Variants in TBC1D8B observed in about 807,000 individuals in gnomAD.
The protein encoded by TBC1D8B is RP11-321G1.1.
A neutral mutation model predicts 82.9 loss-of-function variants in TBC1D8B; 75 were observed. The ratio of observed to expected loss-of-function variants is 0.90; its 90% CI spans 0.75 to 1.10. TBC1D8B has a LOEUF of 1.10. TBC1D8B is among the 50% of genes least tolerant of loss of function. The probability of loss-of-function intolerance (pLI) is 0.00; values close to 1 mark genes in which losing one functional copy is unlikely to be tolerated. For synonymous variants in TBC1D8B, 276 were observed against 276.8 expected, an observed-to-expected ratio of 1.00 and a Z score of 0.03; for missense variants, 794 against 796.9, an observed-to-expected ratio of 1.00 and a Z score of 0.04.
At chrX:106,812,543 A>T (rs1931410152) in intron 1 of TBC1D8B, among the ~76,000 whole-genome samples, 1 of 111,499 alleles carries the variant, frequency 9.0e-6, no homozygotes, top group Non-Finnish European at 1.9e-5. Context: ...AGTGCCCTCA[A>T]TCCAGTTTAC....
chrX:106,813,097 A>G lies in TBC1D8B; in HGVS notation c.131-5566A>G, dbSNP rs542971791. On this transcript the variant is annotated intron_variant, in intron 1 of 20. Transcript: ENST00000357242. ...GGTCTGAAACTCCTGACCTCAGGTG[A>G]TTCACCCGCCTCGGCCTCCCAAAGT... Among the ~76,000 whole-genome samples, 7 of 111,818 alleles carry G rather than the reference A, an allele frequency of 6.3e-5. No homozygotes were observed. In the South Asian group the frequency reaches 1.1e-3, roughly 18 times the overall value.
Position 106,865,904 on chromosome X carries a change from G to A in TBC1D8B, c.2533G>A (p.Ala845Thr), listed in dbSNP as rs1050816965. Residue 845 changes from alanine (A) to threonine (T), a missense_variant, in exon 16 of 21, where the codon GCG becomes ACG. Transcript: ENST00000357242. ...QYQIDCQQFR[A>T]LYHLLSPWAH... ...TCAGATTGACTGCCAGCAGTTCAGAGCGTTGTATCACTTGTTGAGTCCCTG... is the reference window on the plus strand; with the variant it reads ...TCAGATTGACTGCCAGCAGTTCAGAACGTTGTATCACTTGTTGAGTCCCTG... 3 of 1,209,422 alleles carry A rather than the reference G, an allele frequency of 2.5e-6. No individual in the cohort carries two copies. In the African/African-American group the frequency reaches 5.3e-5, roughly 21 times the overall value.
chrX:106,809,973 C>A (rs1278042399), intron 1 of TBC1D8B, among the ~76,000 whole-genome samples: 1 of 110,287 alleles, frequency 9.1e-6, no homozygotes, highest in Admixed American at 9.6e-5. Context: ...AATAAGTAAG[C>A]AAACCAATAC....
At chrX:106,817,033 T>C (rs916161433) in intron 1 of TBC1D8B, among the ~76,000 whole-genome samples, 1 of 111,691 alleles carries the variant, frequency 9.0e-6, no homozygotes, top group African/African-American at 3.2e-5. Context: ...GCCTGGTTTA[T>C]AATTGAATTA....
intron 10 of TBC1D8B, among the ~76,000 whole-genome samples, chrX:106,844,655 G>A (rs997706946): frequency 3.7e-5 from 4 of 109,095 alleles, no homozygotes; most frequent in Non-Finnish European, 7.6e-5. Flanking sequence ...CTAGCATGTT[G>A]TTGAGGATTT....
At chrX:106,850,413 TGTCCGA>T (rs774002433) in intron 12 of TBC1D8B, 103 bp downstream of exon 12, 7 of 873,379 alleles carry the variant, frequency 8.0e-6, no homozygotes, top group Non-Finnish European at 1.1e-5. Context: ...AATTTCAGTT[TGTCCGA>T]GATTACAAAA....
intron 14 of TBC1D8B, among the ~76,000 whole-genome samples, chrX:106,856,288 TA>T (rs1932695772): frequency 9.0e-6 from 1 of 111,220 alleles, no homozygotes; most frequent in Non-Finnish European, 1.9e-5. Flanking sequence ...CCCCTAGTCT[TA>T]TTATTTCTTT....
chrX:106,850,813 G>A (rs1245423769), intron 12 of TBC1D8B, among the ~76,000 whole-genome samples: 1 of 111,585 alleles, frequency 9.0e-6, no homozygotes, highest in Non-Finnish European at 1.9e-5. Flanking sequence ...GAATAAATTT[G>A]AGTGGGCAAC....
rs1246752289 is a variant in TBC1D8B at position 106,854,243 on chromosome X, C to T, written c.2299C>T (p.Arg767Ter). 7 of 1,193,648 alleles carry T rather than the reference C, an allele frequency of 5.9e-6. No homozygotes were observed. Among genetic ancestry groups the T allele is most frequent in the East Asian group, 3.0e-5 (1 of 32,850 alleles). Residue 767 changes from arginine (R) to a stop codon, truncating the protein, a stop_gained, in exon 14 of 21, where the codon CGA becomes TGA. Transcript: ENST00000357242. LOFTEE classifies it high-confidence loss of function. ...TGAAGATATACATAGTATGCGCTGT[C>T]GAAATAGGTTGTATGTGATACAGAC... is the stretch of plus-strand genomic sequence containing the variant. Reference protein sequence around the residue: ...RYEDIHSMRCRNRLYVIQTLE... With the variant: ...RYEDIHSMRC
Position 106,874,054 on chromosome X carries a change from C to G in TBC1D8B, c.*89C>G. The G allele has an allele frequency of 9.9e-7, 1 of 1,012,646 alleles. No homozygotes were observed. The highest frequency in any genetic ancestry group is 2.7e-4 in the Middle Eastern group (1 of 3,737). 83.5% of individuals were successfully genotyped at this position (1,012,646 alleles called of 1,213,427 possible). A position where few individuals can be genotyped will look rare whatever the true frequency, so the allele number is the denominator to read the frequency against. ...CTGTGAGTAGGGCTCAGGGATTTAT[C>G]TTGTTACCAATGTGTCTGAAGGCCA... On this transcript the variant is annotated 3_prime_UTR_variant, in exon 21 of 21. Coordinates refer to ENST00000357242, the MANE Select transcript of TBC1D8B (RefSeq NM_017752.3).
intron 10 of TBC1D8B, 61 bp downstream of exon 10, chrX:106,840,945 A>G (rs1201756534): frequency 7.8e-6 from 8 of 1,029,617 alleles, no homozygotes; most frequent in South Asian, 6.3e-5. Context: ...ATCAAATCCA[A>G]TTCCACTAAT....
intron 7 of TBC1D8B, among the ~76,000 whole-genome samples, chrX:106,832,797 A>G (rs1401771581): frequency 9.0e-6 from 1 of 111,525 alleles, no homozygotes; most frequent in Non-Finnish European, 1.9e-5. Context: ...TTTTAAATAG[A>G]AGTAATGGGT....
chrX:106,805,978 T>G, intron 1 of TBC1D8B, among the ~76,000 whole-genome samples: 1 of 112,678 alleles, frequency 8.9e-6, no homozygotes, highest in Middle Eastern at 4.6e-3. Context: ...TCTAGAAACC[T>G]TAGTGGTTAT....
At chrX:106,837,502 C>A (rs765301536) in intron 7 of TBC1D8B, among the ~76,000 whole-genome samples, 3 of 111,777 alleles carry the variant, frequency 2.7e-5, no homozygotes, top group Non-Finnish European at 5.7e-5. Flanking sequence ...GATACCATTT[C>A]ATACCCACTA....
At chrX:106,834,152 G>A (rs1398401275) in intron 7 of TBC1D8B, among the ~76,000 whole-genome samples, 1 of 110,974 alleles carries the variant, frequency 9.0e-6, no homozygotes, top group Non-Finnish European at 1.9e-5. Context: ...CCCAAGACTG[G>A]GTAATTTATA....
At position 106,869,546 on chromosome X, in the gene TBC1D8B, T is replaced by C. The variant is rs1021749810; in HGVS notation, c.2869+5T>C. 3 of 1,191,854 alleles carry C rather than the reference T, an allele frequency of 2.5e-6. No individual in the cohort carries two copies. The highest frequency in any genetic ancestry group is 3.4e-6 in the Non-Finnish European group (3 of 879,987). On this transcript the variant is annotated splice_donor_5th_base_variant and intron_variant, in intron 19 of 20. Transcript: ENST00000357242. ...CAAAACACAGCCCTGAAAAAGGTAC[T>C]ATGATCTAGGAGTTATCATTTAATT...
In TBC1D8B at chrX:106,853,031, T is replaced by C. The variant is rs755575798; in HGVS notation, c.2124-490T>C. On this transcript the variant is annotated intron_variant, in intron 12 of 20. Transcript: ENST00000357242. ...ACCTTGGGCAGTATGGCCATTTTCA[T>C]GATATTGATTCTTCCTACCTATGAG... Among the ~76,000 whole-genome samples, 440 of 111,402 alleles carry C rather than the reference T, an allele frequency of 3.9e-3. 4 individuals carry two copies. Among genetic ancestry groups the C allele is most frequent in the Middle Eastern group, 0.019 (4 of 211 alleles).
Position 106,874,189 on chromosome X carries a change from G to C in TBC1D8B, c.*224G>C, listed in dbSNP as rs922736655. The C allele has an allele frequency of 3.5e-6, 1 of 286,238 alleles. No homozygotes were observed. Among genetic ancestry groups the C allele is most frequent in the African/African-American group, 2.8e-5 (1 of 36,177 alleles). The allele number at this position is 286,238 out of a possible 1,213,427, so 23.6% of individuals were successfully genotyped here. On this transcript the variant is annotated 3_prime_UTR_variant, in exon 21 of 21. Transcript: ENST00000357242. ...CAAAACAAAAAAGCAAACCACATTT[G>C]TTATCTCAAATTTTGATGATATTCT... is the stretch of plus-strand genomic sequence containing the variant.
chrX:106,806,352 C>T (rs1426821003), intron 1 of TBC1D8B, among the ~76,000 whole-genome samples: 1 of 111,963 alleles, frequency 8.9e-6, no homozygotes, highest in Non-Finnish European at 1.9e-5. Context: ...AATAATTCAC[C>T]CTTCTGGATT....
Sources: allele counts gnomAD v4.1 joint callset (sites outside exome capture counted in the v4.1 genomes callset), GRCh38; gene constraint gnomAD v4.1.1; transcripts MANE v1.5; gene names NCBI Gene and HGNC (gene_info 2026-07-23, HGNC 2026-07-21).